The following GNAO1 variants were observed in gnomAD, a reference collection of about 807,000 sequenced individuals.
The protein encoded by GNAO1 is G protein subunit alpha o1, also known as guanine nucleotide-binding protein G(o) subunit alpha.
For missense variants in GNAO1, 166 were observed against 478.7 expected (o/e 0.35, Z 6.10); for synonymous variants, 164 against 180.7 (o/e 0.91, Z 0.74).
intron 3 of GNAO1, among the ~76,000 whole-genome samples, chr16:56,324,758 C>A (rs527292909): frequency 1.3e-5 from 2 of 152,222 alleles, no homozygotes; most frequent in Non-Finnish European, 2.9e-5. Context: ...GGGTTGTTGG[C>A]GATACTGACC....
chr16:56,300,047 G>A (rs1037217752), intron 3 of GNAO1, among the ~76,000 whole-genome samples: 2 of 91,946 alleles, frequency 2.2e-5, no homozygotes, highest in Non-Finnish European at 4.3e-5. Context: ...GCGCGCGCGC[G>A]CGCGCACGCA....
intron 2 of GNAO1, among the ~76,000 whole-genome samples, chr16:56,216,829 C>G (rs1288768352): frequency 1.3e-5 from 2 of 152,230 alleles, no homozygotes; most frequent in Non-Finnish European, 2.9e-5. Flanking sequence ...GGTCCTGGCC[C>G]TGCCACTTAA....
chr16:56,350,937 A>T (rs2037914884), intron 6 of GNAO1, among the ~76,000 whole-genome samples: 2 of 151,956 alleles, frequency 1.3e-5, no homozygotes, highest in African/African-American at 4.8e-5. Context: ...ACACTCAAGC[A>T]CATGGATGCA....
intron 6 of GNAO1, among the ~76,000 whole-genome samples, chr16:56,342,580 T>C (rs1055817212): frequency 6.6e-6 from 1 of 152,228 alleles, no homozygotes; most frequent in Non-Finnish European, 1.5e-5. Context: ...GAAGGCAGCA[T>C]GTGAGCCAGG....
chr16:56,320,331 A>G (rs1340169065), intron 3 of GNAO1, among the ~76,000 whole-genome samples: 2 of 152,134 alleles, frequency 1.3e-5, no homozygotes, highest in Non-Finnish European at 2.9e-5. Flanking sequence ...GGTGGACAGC[A>G]GCGCAGCCCA....
At chr16:56,343,689 C>G in intron 6 of GNAO1, 1 of 1,238,204 alleles carries the variant, frequency 8.1e-7, no homozygotes, top group South Asian at 1.4e-5. Context: ...CCACACAGGC[C>G]AGGCTGGGGT....
chr16:56,274,811 A>T (rs1221471021), intron 2 of GNAO1, among the ~76,000 whole-genome samples: 1 of 152,126 alleles, frequency 6.6e-6, no homozygotes, highest in Non-Finnish European at 1.5e-5. Context: ...TTTTGGGGAG[A>T]TTGAAATGTT....
At chr16:56,332,897 C>T (rs1429016253) in intron 4 of GNAO1, among the ~76,000 whole-genome samples, 2 of 152,354 alleles carry the variant, frequency 1.3e-5, no homozygotes, top group South Asian at 2.1e-4. Context: ...GGCGCCAGGG[C>T]GGGGCAGGCA....
At chr16:56,252,971 T>G (rs2036813453) in intron 2 of GNAO1, among the ~76,000 whole-genome samples, 2 of 152,252 alleles carry the variant, frequency 1.3e-5, no homozygotes, top group Non-Finnish European at 2.9e-5. Context: ...GAGGCTGCAA[T>G]GGAACTTTGG....
intron 6 of GNAO1, chr16:56,345,520 C>T (rs971449663): frequency 1.0e-6 from 1 of 985,166 alleles, no homozygotes; most frequent in Non-Finnish European, 1.2e-6. Context: ...GCCCAGGAGA[C>T]CCAGGAACCT....
chr16:56,223,227 G>A (rs111834461), intron 2 of GNAO1, among the ~76,000 whole-genome samples: 383 of 152,252 alleles, frequency 2.5e-3, no homozygotes, highest in African/African-American at 8.6e-3. Flanking sequence ...AATGCCTGCC[G>A]TTATAAGAGC....
chr16:56,242,701 A>T (rs1209813366), intron 2 of GNAO1, among the ~76,000 whole-genome samples: 1 of 152,254 alleles, frequency 6.6e-6, no homozygotes, highest in East Asian at 1.9e-4. Flanking sequence ...ACAAAAGAAC[A>T]AAAACTAAAA....
Position 56,356,343 on chromosome 16 carries a change from A to C in GNAO1, c.*269A>C, listed in dbSNP as rs1344608756. On this transcript the variant is annotated 3_prime_UTR_variant, in exon 9 of 9. Transcript: ENST00000262493. The stretch of plus-strand genomic sequence containing the variant: ...TGCTTTGTAGCTTAAAAAAAGGAAA[A>C]CTCACCATTTCATCCATATTTCTTT... 3.9e-5 allele frequency: 6 copies of C among 152,428 alleles called. No homozygotes were observed. Among genetic ancestry groups the C allele is most frequent in the Non-Finnish European group, 8.8e-5 (6 of 68,004 alleles). The allele number at this position is 152,428 out of a possible 1,614,324, so 9.4% of individuals were successfully genotyped here.
intron 4 of GNAO1, among the ~76,000 whole-genome samples, chr16:56,334,198 G>A (rs1246604614): frequency 6.6e-6 from 1 of 152,244 alleles, no homozygotes; most frequent in Non-Finnish European, 1.5e-5. Flanking sequence ...TAAGTGAGAA[G>A]GAAGTGTGGA....
At chr16:56,334,452 C>T (rs1049045144) in intron 4 of GNAO1, among the ~76,000 whole-genome samples, 1 of 152,190 alleles carries the variant, frequency 6.6e-6, no homozygotes, top group African/African-American at 2.4e-5. Flanking sequence ...TTATAATAAA[C>T]ATGGTAGTCT....
chr16:56,223,416 C>T (rs2036508277), intron 2 of GNAO1, among the ~76,000 whole-genome samples: 1 of 152,232 alleles, frequency 6.6e-6, no homozygotes, highest in Non-Finnish European at 1.5e-5. Context: ...TTTCTCTGAT[C>T]CAGCCAGGAA....
chr16:56,250,977 G>T (rs2036794001), intron 2 of GNAO1, among the ~76,000 whole-genome samples: 1 of 152,184 alleles, frequency 6.6e-6, no homozygotes, highest in Non-Finnish European at 1.5e-5. Context: ...ACTTGATGTT[G>T]GCAAAGAGGT....
intron 2 of GNAO1, among the ~76,000 whole-genome samples, chr16:56,221,249 A>AT (rs58261214): frequency 4.0e-5 from 6 of 151,778 alleles, no homozygotes; most frequent in Admixed American, 6.6e-5. Context: ...AATCTCAGGT[A>AT]TTTTTTTTAT....
intron 4 of GNAO1, among the ~76,000 whole-genome samples, chr16:56,330,213 T>C (rs1382247837): frequency 6.6e-6 from 1 of 152,206 alleles, no homozygotes; most frequent in Non-Finnish European, 1.5e-5. Context: ...GTCAGGGCAG[T>C]GAGCCCAGAA....
Sources: gnomAD v4.1 joint callset for allele counts (sites outside exome capture counted in the v4.1 genomes callset) on GRCh38, gnomAD v4.1.1 for gene constraint, MANE v1.5 for transcripts, NCBI Gene and HGNC (gene_info 2026-07-23, HGNC 2026-07-21) for gene names.